The following KRT2 variants were observed in gnomAD, a reference collection of about 807,000 sequenced individuals.
The protein encoded by KRT2 is keratin 2.
KRT2 carries 37 observed loss-of-function variants against 48.5 expected under a neutral mutation model. The ratio of observed to expected loss-of-function variants is 0.76; its 90% CI spans 0.59 to 1.00. KRT2 has a LOEUF of 1.00. Among genes scored for constraint, KRT2 ranks in the 50% least tolerant of loss-of-function variants. KRT2 has a pLI of 0.00. For missense variants in KRT2, 880 were observed against 815.2 expected (o/e 1.08, Z -0.97); for synonymous variants, 324 against 312.2 (o/e 1.04, Z -0.40).
Position 52,646,929 on chromosome 12 carries a change from G to A in KRT2, c.1280C>T (p.Ala427Val). 6.2e-7 allele frequency: 1 copy of A among 1,614,152 alleles called. No homozygotes were observed. The highest frequency in any genetic ancestry group is 8.5e-7 in the Non-Finnish European group (1 of 1,180,016). Residue 427 changes from alanine to valine, a missense_variant, in exon 7 of 9, where the codon GCC (alanine) becomes GTC (valine). Coordinates refer to ENST00000309680, the MANE Select transcript of KRT2 (RefSeq NM_000423.3). ...CKNVQDAIADAEQRGEHALKD... is the reference protein window; with the variant it reads ...CKNVQDAIADVEQRGEHALKD... ...GAGGGCATGCTCCCCACGCTGCTCG[G>A]CATCTGCGATGGCATCTTGCACATT...
At chr12:52,647,292 C>A (rs2120941731) in intron 6 of KRT2, among the ~76,000 whole-genome samples, 1 of 152,324 alleles carries the variant, frequency 6.6e-6, no homozygotes, top group Non-Finnish European at 1.5e-5. Flanking sequence ...CCACTCTCTG[C>A]CTCTACCTTT....
chr12:52,651,865 C>T lies in KRT2; in HGVS notation c.278G>A (p.Gly93Glu). The T allele has an allele frequency of 1.2e-6, 2 of 1,607,168 alleles. No homozygotes were observed. Among genetic ancestry groups the T allele is most frequent in the Non-Finnish European group, 1.7e-6 (2 of 1,176,090 alleles). Reference sequence around the variant, plus strand: ...GCTGCTGCCGCCTCCAAAACCACCTCCTCTGCCACCAAATCCACCAGCGGC... The same window carrying T: ...GCTGCTGCCGCCTCCAAAACCACCTTCTCTGCCACCAAATCCACCAGCGGC... ...FGAAGGFGGR[G>E]GGFGGGSSFG... The change falls in exon 1 of 9, where the codon GGA (glycine) becomes GAA (glutamate). Residue 93 changes from glycine to glutamate, a missense_variant. By Grantham distance (98) the Gly-to-Glu change is moderately conservative (BLOSUM62 -2). Coordinates refer to ENST00000309680, the MANE Select transcript of KRT2 (RefSeq NM_000423.3).
At chr12:52,649,405 T>C (rs1941215911) in intron 3 of KRT2, among the ~76,000 whole-genome samples, 1 of 152,180 alleles carries the variant, frequency 6.6e-6, no homozygotes, top group Non-Finnish European at 1.5e-5. Flanking sequence ...CAGGATACGA[T>C]GTTCTTTGTG....
At position 52,648,203 on chromosome 12, in the gene KRT2, C is replaced by T; in HGVS notation, c.1092G>A (p.Lys364=). 6.2e-7 allele frequency: 1 copy of T among 1,614,226 alleles called. No individual in the cohort carries two copies. Among genetic ancestry groups the T allele is most frequent in the Non-Finnish European group, 8.5e-7 (1 of 1,180,034 alleles). ...AQYEEIAQRS[K]EEAEALYHSK... ...TGTGGTACAGGGCCTCCGCTTCTTC[C>T]TTGCTCCTCTGGGCGATCTCCTCAT... is the stretch of plus-strand genomic sequence containing the variant. Residue 364 remains lysine (K), a synonymous_variant, in exon 5 of 9, where the codon AAG becomes AAA. Transcript: ENST00000309680.
chr12:52,647,724 C>A lies in KRT2; in HGVS notation c.1248+6G>T. The stretch of plus-strand genomic sequence containing the variant: ...CCGCCCCTCGCTGGACAGGGCTGGG[C>A]CTCACCTGCTTCTTCACATGTGCGA... On this transcript the variant is annotated splice_donor_region_variant and intron_variant, in intron 6 of 8. Coordinates refer to ENST00000309680, the MANE Select transcript of KRT2 (RefSeq NM_000423.3). 1 of 1,613,622 alleles carries A rather than the reference C, an allele frequency of 6.2e-7. No individual in the cohort carries two copies. The highest frequency in any genetic ancestry group is 8.5e-7 in the Non-Finnish European group (1 of 1,179,810).
chr12:52,645,599 G>A (rs1445664134), intron 7 of KRT2, 30 bp from the exon 8 acceptor site: 40 of 1,611,888 alleles, frequency 2.5e-5, no homozygotes, highest in Non-Finnish European at 3.3e-5. Context: ...AACAAGTTGT[G>A]GTGGAACACT....
intron 7 of KRT2, 70 bp downstream of exon 7, chr12:52,646,670 C>T: frequency 6.4e-7 from 1 of 1,566,754 alleles, no homozygotes. Context: ...CTGTCTTTGC[C>T]TCCAGCCCTG....
chr12:52,650,269 C>A (rs1941228559), intron 2 of KRT2, 70 bp downstream of exon 2: 2 of 1,345,398 alleles, frequency 1.5e-6, no homozygotes, highest in Admixed American at 3.3e-5. Flanking sequence ...AGATGAATGG[C>A]TTTCCAGGGA....
chr12:52,651,219 G>C (rs11170217), intron 1 of KRT2, among the ~76,000 whole-genome samples: 3 of 152,028 alleles, frequency 2.0e-5, no homozygotes, highest in African/African-American at 7.2e-5. Context: ...CTCAGAAGAC[G>C]ATGGCTTCCA....
intron 1 of KRT2, 76 bp downstream of exon 1, chr12:52,651,482 G>A: frequency 1.8e-6 from 2 of 1,133,846 alleles, no homozygotes; most frequent in Non-Finnish European, 2.7e-6. Flanking sequence ...ATACAAATCT[G>A]TGCCATTTTC....
rs556683411 is a variant in KRT2, at chr12:52,648,314, A to G, written c.981T>C (p.Ser327=). 6.2e-7 allele frequency: 1 copy of G among 1,613,964 alleles called. No homozygotes were observed. Among genetic ancestry groups the G allele is most frequent in the South Asian group, 1.1e-5 (1 of 91,064 alleles). ...AGAGGATGACGTTGGTGTCAGTGAC[A>G]CTCTGATGTATCTGGGATATCTCCT... ...YDAEISQIHQ[S]VTDTNVILSM... Residue 327 remains serine (S), a synonymous_variant, in exon 5 of 9, where the codon AGT becomes AGC. Coordinates refer to ENST00000309680, the MANE Select transcript of KRT2 (RefSeq NM_000423.3).
Position 52,646,945 on chromosome 12 carries a change from C to A in KRT2, c.1264G>T (p.Asp422Tyr). 5 of 1,614,078 alleles carry A rather than the reference C, an allele frequency of 3.1e-6. No homozygotes were observed. Among genetic ancestry groups the A allele is most frequent in the Non-Finnish European group, 3.4e-6 (4 of 1,179,950 alleles). ...CGCTGCTCGGCATCTGCGATGGCAT[C>A]TTGCACATTCTTACACTATGACAGA... ...HVKKQCKNVQDAIADAEQRGE... is the reference protein window; with the variant it reads ...HVKKQCKNVQYAIADAEQRGE... Residue 422 changes from aspartate to tyrosine, a missense_variant, in exon 7 of 9, where the codon GAT becomes TAT. Asp to Tyr is a radical substitution (Grantham distance 160). Transcript: ENST00000309680.
chr12:52,648,163 C>T lies in KRT2; in HGVS notation c.1122+10G>A, dbSNP rs765613165. On this transcript the variant is annotated intron_variant, in intron 5 of 8. Coordinates refer to ENST00000309680, the MANE Select transcript of KRT2 (RefSeq NM_000423.3). ...GGAGCTGTGGCTCTTCCTACATTCC[C>T]TCTACTTGCCTTGCTGTGGTACAGG... The T allele has an allele frequency of 3.1e-6, 5 of 1,614,132 alleles. No homozygotes were observed. The highest frequency in any genetic ancestry group is 4.2e-6 in the Non-Finnish European group (5 of 1,179,954).
intron 7 of KRT2, 29 bp from the exon 8 acceptor site, chr12:52,645,598 TG>T (rs1257973886): frequency 9.3e-6 from 15 of 1,612,240 alleles, no homozygotes; most frequent in Non-Finnish European, 1.3e-5. Context: ...AAACAAGTTG[TG>T]GTGGAACACT....
intron 4 of KRT2, 88 bp downstream of exon 4, chr12:52,648,919 C>A (rs1941208327): frequency 4.5e-6 from 4 of 888,390 alleles, no homozygotes; most frequent in South Asian, 1.3e-5. Context: ...ATAAACCCCA[C>A]TTCTGCCACT....
chr12:52,650,405 G>A lies in KRT2; in HGVS notation c.734C>T (p.Ala245Val), dbSNP rs1206166289. 4.3e-6 allele frequency: 7 copies of A among 1,614,086 alleles called. No homozygotes were observed. Among genetic ancestry groups the A allele is most frequent in the Non-Finnish European group, 8.5e-7 (1 of 1,180,032 alleles). The change falls in exon 2 of 9, where the codon GCA becomes GTA. Residue 245 changes from alanine (A) to valine (V), a missense_variant. By Grantham distance (64) the Ala-to-Val change is moderately conservative. Transcript: ENST00000309680. Reference protein sequence around the residue: ...SLKRYLDGLTAERTSQNSELN... With the variant: ...SLKRYLDGLTVERTSQNSELN... ...CTCTGAATTCTGTGATGTTCTTTCT[G>A]CAGTGAGCCCATCCAGATATCTCTT...
intron 4 of KRT2, 32 bp from the exon 5 acceptor site, chr12:52,648,369 T>G: frequency 6.2e-7 from 1 of 1,602,362 alleles, no homozygotes; most frequent in South Asian, 1.1e-5. Context: ...GGTCATGACA[T>G]CCTGCCATAG....
intron 3 of KRT2, among the ~76,000 whole-genome samples, chr12:52,649,510 C>G (rs1349219011): frequency 1.3e-5 from 2 of 152,234 alleles, no homozygotes; most frequent in Non-Finnish European, 2.9e-5. Flanking sequence ...CAGGACCCAG[C>G]AGGAGAACCC....
chr12:52,644,972 G>A lies in KRT2; in HGVS notation c.*47C>T. On this transcript the variant is annotated 3_prime_UTR_variant, in exon 9 of 9. Transcript: ENST00000309680. The stretch of plus-strand genomic sequence containing the variant: ...CAGAGACAGGCTTCTACATTCTGGA[G>A]TGGGAGAGTCTGGGTTGGGAGAGTC... The A allele has an allele frequency of 6.2e-7, 1 of 1,605,280 alleles. No homozygotes were observed. The highest frequency in any genetic ancestry group is 8.5e-7 in the Non-Finnish European group (1 of 1,172,108).
Sources: allele counts gnomAD v4.1 joint callset (sites outside exome capture counted in the v4.1 genomes callset), GRCh38; gene constraint gnomAD v4.1.1; transcripts MANE v1.5; gene names NCBI Gene and HGNC (gene_info 2026-07-23, HGNC 2026-07-21).